Variants in MICU1 observed in about 807,000 individuals in gnomAD.
The protein encoded by MICU1 is mitochondrial calcium uptake 1.
A neutral mutation model predicts 56.8 loss-of-function variants in MICU1; 45 were observed. The observed-to-expected ratio is 0.79, with a 90% confidence interval of 0.62 to 1.02. MICU1 has a LOEUF of 1.02. MICU1 is among the 50% of genes least tolerant of loss of function. The pLI is 0.00. For missense variants in MICU1, 504 were observed against 587.1 expected (o/e 0.86, Z 1.46); for synonymous variants, 186 against 195.1 (o/e 0.95, Z 0.39).
intron 5 of MICU1, among the ~76,000 whole-genome samples, chr10:72,528,547 A>G (rs1034106687): frequency 4.6e-5 from 7 of 152,192 alleles, no homozygotes; most frequent in Admixed American, 1.3e-4. Context: ...ACAATGCAGA[A>G]TTACATGTCA....
At chr10:72,389,918 G>C (rs968664111) in intron 10 of MICU1, among the ~76,000 whole-genome samples, 1 of 152,196 alleles carries the variant, frequency 6.6e-6, no homozygotes, top group Non-Finnish European at 1.5e-5. Flanking sequence ...CAGCCGCTGA[G>C]AGGTCATAGA....
At chr10:72,464,000 T>C (rs1218132688) in intron 8 of MICU1, among the ~76,000 whole-genome samples, 2 of 152,158 alleles carry the variant, frequency 1.3e-5, no homozygotes, top group Non-Finnish European at 2.9e-5. Flanking sequence ...TGCCTTGTTT[T>C]GTAAAGAATT....
intron 4 of MICU1, among the ~76,000 whole-genome samples, chr10:72,550,329 A>C (rs1840004029): frequency 6.6e-6 from 1 of 152,230 alleles, no homozygotes; most frequent in South Asian, 2.1e-4. Flanking sequence ...GTCTAGGAAC[A>C]ATAGGCTATA....
In MICU1 at chr10:72,475,896, G is replaced by T. The variant is rs560389480; in HGVS notation, c.736-599C>A. On this transcript the variant is annotated intron_variant, in intron 7 of 11. Coordinates refer to ENST00000361114, the MANE Select transcript of MICU1 (RefSeq NM_001195518.2). ...ATTGGGATCCTCTTAGAAAATCTCTGTTCAGGAAAGGATGAACATTTGTTT... is the reference window on the plus strand; with the variant it reads ...ATTGGGATCCTCTTAGAAAATCTCTTTTCAGGAAAGGATGAACATTTGTTT... 486 of 456,544 alleles carry T rather than the reference G, an allele frequency of 1.1e-3. 9 individuals are homozygous for T. Among genetic ancestry groups the T allele is most frequent in the South Asian group, 6.9e-3 (446 of 64,548 alleles). 28.3% of individuals were successfully genotyped at this position (456,544 alleles called of 1,614,324 possible).
At chr10:72,430,468 A>C (rs2132155343) in intron 8 of MICU1, among the ~76,000 whole-genome samples, 1 of 152,326 alleles carries the variant, frequency 6.6e-6, no homozygotes, top group African/African-American at 2.4e-5. Context: ...AAGCATAATA[A>C]AACAAACACC....
At chr10:72,566,831 T>A in intron 1 of MICU1, 37 bp from the exon 2 acceptor site, 1 of 1,549,582 alleles carries the variant, frequency 6.5e-7, no homozygotes, top group South Asian at 1.2e-5. Context: ...TCTTAGCTAG[T>A]GGTAGTTATG....
chr10:72,443,566 T>A (rs1001868078), intron 8 of MICU1, among the ~76,000 whole-genome samples: 11 of 152,182 alleles, frequency 7.2e-5, no homozygotes, highest in Non-Finnish European at 1.6e-4. Context: ...AAGGAAGGGA[T>A]CCAGTTTCAG....
At chr10:72,469,414 T>C (rs1312600196) in intron 8 of MICU1, among the ~76,000 whole-genome samples, 1 of 152,216 alleles carries the variant, frequency 6.6e-6, no homozygotes, top group Non-Finnish European at 1.5e-5. Context: ...ACTAATCTTT[T>C]CTATTTTCCT....
intron 3 of MICU1, among the ~76,000 whole-genome samples, chr10:72,562,127 T>C (rs1840312128): frequency 6.6e-6 from 1 of 151,520 alleles, no homozygotes; most frequent in Non-Finnish European, 1.5e-5. Context: ...TAACAGCAGG[T>C]TGTGTTAATT....
At chr10:72,533,716 A>G in intron 5 of MICU1, 30 bp downstream of exon 5, 1 of 1,512,768 alleles carries the variant, frequency 6.6e-7, no homozygotes, top group South Asian at 1.2e-5. Context: ...ATGATAGGAT[A>G]TATGTATAGA....
At chr10:72,527,703 T>C (rs1213355916) in intron 5 of MICU1, among the ~76,000 whole-genome samples, 6 of 152,178 alleles carry the variant, frequency 3.9e-5, no homozygotes, top group Admixed American at 3.9e-4. Context: ...AAGATAGTGG[T>C]TGTGTGCACT....
rs535309771 is a variant in MICU1 at position 72,453,632 on chromosome 10, C to T, written c.933+21468G>A. 1.6e-4 allele frequency among the ~76,000 whole-genome samples: 25 copies of T among 152,044 alleles called. No homozygotes were observed. In the East Asian group the frequency reaches 3.7e-3, roughly 22 times the overall value. On this transcript the variant is annotated intron_variant, in intron 8 of 11. Coordinates refer to ENST00000361114, the MANE Select transcript of MICU1 (RefSeq NM_001195518.2). ...GCAACCCCTGCCTCCCAGGTTCAAG[C>T]GATTCTCCTGCCTCAGCCTCCCAAG...
chr10:72,594,818 G>A (rs958716916), intron 1 of MICU1, among the ~76,000 whole-genome samples: 3 of 151,188 alleles, frequency 2.0e-5, no homozygotes, highest in Non-Finnish European at 4.4e-5. Flanking sequence ...GCTGAGGAAG[G>A]ACGATCACTT....
At chr10:72,498,296 G>A (rs1866913611) in intron 6 of MICU1, among the ~76,000 whole-genome samples, 1 of 152,004 alleles carries the variant, frequency 6.6e-6, no homozygotes, top group Non-Finnish European at 1.5e-5. Context: ...AAGAAAGAAG[G>A]AAGCCTGGGC....
At chr10:72,573,905 T>C (rs939441259) in intron 1 of MICU1, among the ~76,000 whole-genome samples, 7 of 152,160 alleles carry the variant, frequency 4.6e-5, no homozygotes, top group African/African-American at 1.2e-4. Flanking sequence ...ATCAAGCTCA[T>C]ATCCTTTTAT....
intron 10 of MICU1, among the ~76,000 whole-genome samples, chr10:72,382,380 G>A (rs1356285165): frequency 4.0e-5 from 6 of 151,854 alleles, no homozygotes; most frequent in Non-Finnish European, 7.4e-5. Context: ...CCAAAGTGCT[G>A]GGATTACAGG....
At chr10:72,475,348 CAT>C in intron 7 of MICU1, 51 bp from the exon 8 acceptor site, 1 of 1,443,480 alleles carries the variant, frequency 6.9e-7, no homozygotes. Context: ...AGTGAGAAAA[CAT>C]AAACATAGAA....
chr10:72,535,916 G>C (rs1298501833), intron 4 of MICU1, among the ~76,000 whole-genome samples: 2 of 152,050 alleles, frequency 1.3e-5, no homozygotes, highest in Non-Finnish European at 2.9e-5. Flanking sequence ...CAACATGGAT[G>C]CAACTGGCTG....
At chr10:72,504,230 T>A (rs937412229) in intron 6 of MICU1, among the ~76,000 whole-genome samples, 7 of 152,060 alleles carry the variant, frequency 4.6e-5, no homozygotes, top group Non-Finnish European at 8.8e-5. Context: ...CAAACTATAC[T>A]ATAAAGCTAC....
Sources: allele counts gnomAD v4.1 joint callset (sites outside exome capture counted in the v4.1 genomes callset), GRCh38; gene constraint gnomAD v4.1.1; transcripts MANE v1.5; gene names NCBI Gene and HGNC (gene_info 2026-07-23, HGNC 2026-07-21).